Variants in M1AP observed in about 807,000 individuals in gnomAD.
M1AP encodes meiosis 1 associated protein, also known as meiosis 1 arrest protein.
In M1AP, 39 loss-of-function variants were observed where a neutral mutation model predicts 51.2. The ratio of observed to expected loss-of-function variants is 0.76; its 90% CI spans 0.59 to 1.00. M1AP has a LOEUF of 1.00. Ranked by LOEUF, M1AP falls within the 50% of genes least tolerant of loss-of-function variation. The pLI is 0.00. For synonymous variants in M1AP, 251 were observed against 249.2 expected, an observed-to-expected ratio of 1.01 and a Z score of -0.07; for missense variants, 545 against 641.2, an observed-to-expected ratio of 0.85 and a Z score of 1.62.
chr2:74,601,153 G>C (rs1392541166), intron 4 of M1AP, among the ~76,000 whole-genome samples: 3 of 152,056 alleles, frequency 2.0e-5, no homozygotes. Flanking sequence ...GGAATAAAGA[G>C]TTAAATTAAC....
At chr2:74,625,417 A>T (rs1682325194) in intron 2 of M1AP, among the ~76,000 whole-genome samples, 1 of 151,948 alleles carries the variant, frequency 6.6e-6, no homozygotes, top group African/African-American at 2.4e-5. Flanking sequence ...CTGTTTTTAT[A>T]TATTATTAAT....
At chr2:74,606,069 C>T (rs1375147617) in intron 4 of M1AP, among the ~76,000 whole-genome samples, 2 of 152,104 alleles carry the variant, frequency 1.3e-5, no homozygotes, top group African/African-American at 4.8e-5. Flanking sequence ...GGAACAGAGG[C>T]CAGCAGAGGT....
intron 1 of M1AP, among the ~76,000 whole-genome samples, chr2:74,645,597 T>C (rs757288253): frequency 2.0e-5 from 3 of 152,308 alleles, no homozygotes; most frequent in East Asian, 1.9e-4. Flanking sequence ...CATCCCTTTC[T>C]ATAGCAACGA....
intron 8 of M1AP, 34 bp from the exon 9 acceptor site, chr2:74,560,325 A>G: frequency 1.3e-6 from 2 of 1,546,368 alleles, no homozygotes; most frequent in Non-Finnish European, 1.7e-6. Context: ...TCACTAGGGA[A>G]CTTAAGATCA....
intron 2 of M1AP, among the ~76,000 whole-genome samples, chr2:74,617,036 T>C (rs796727007): frequency 1.3e-5 from 2 of 152,340 alleles, no homozygotes; most frequent in African/African-American, 4.8e-5. Context: ...ATAAAAGAAA[T>C]GTAACTTAAC....
intron 4 of M1AP, among the ~76,000 whole-genome samples, chr2:74,600,282 G>A (rs1362248896): frequency 1.3e-5 from 2 of 152,186 alleles, no homozygotes; most frequent in Non-Finnish European, 1.5e-5. Flanking sequence ...AGAACAGAAA[G>A]TATTTGAACA....
chr2:74,603,634 T>A (rs1246235362), intron 4 of M1AP, among the ~76,000 whole-genome samples: 1 of 152,136 alleles, frequency 6.6e-6, no homozygotes, highest in Non-Finnish European at 1.5e-5. Flanking sequence ...AAGACTGCTA[T>A]GAGTACAGGG....
intron 4 of M1AP, among the ~76,000 whole-genome samples, chr2:74,604,553 G>A (rs767144325): frequency 6.6e-5 from 10 of 152,196 alleles, no homozygotes; most frequent in Non-Finnish European, 1.5e-4. Context: ...TCTGACAGGA[G>A]GTGGAGCTCA....
chr2:74,601,348 T>C (rs906790898), intron 4 of M1AP, among the ~76,000 whole-genome samples: 3 of 152,058 alleles, frequency 2.0e-5, no homozygotes, highest in Admixed American at 2.0e-4. Flanking sequence ...GAGCAGTTGG[T>C]ATGGTATAGT....
chr2:74,636,200 T>C (rs1016287878), intron 2 of M1AP, among the ~76,000 whole-genome samples: 10 of 152,138 alleles, frequency 6.6e-5, no homozygotes, highest in East Asian at 3.8e-4. Context: ...CTTTTCATCA[T>C]TGTCTAATGT....
intron 5 of M1AP, among the ~76,000 whole-genome samples, chr2:74,580,484 G>A (rs1322080407): frequency 6.6e-6 from 1 of 152,178 alleles, no homozygotes; most frequent in African/African-American, 2.4e-5. Flanking sequence ...CTGGGCACTA[G>A]GTTGAAATGG....
At chr2:74,562,001 C>T in intron 8 of M1AP, 1 of 985,344 alleles carries the variant, frequency 1.0e-6, no homozygotes, top group Non-Finnish European at 1.2e-6. Context: ...ACCTCATTTC[C>T]CTCCATTCTA....
At chr2:74,625,586 C>A (rs1682335391) in intron 2 of M1AP, among the ~76,000 whole-genome samples, 1 of 152,150 alleles carries the variant, frequency 6.6e-6, no homozygotes, top group Non-Finnish European at 1.5e-5. Context: ...AAGCATTTCT[C>A]TTTTACAGTG....
At chr2:74,617,247 C>T (rs1405391044) in intron 2 of M1AP, among the ~76,000 whole-genome samples, 1 of 152,162 alleles carries the variant, frequency 6.6e-6, no homozygotes, top group Non-Finnish European at 1.5e-5. Flanking sequence ...TTCAAAATAG[C>T]TGGAATCTAA....
At position 74,614,984 on chromosome 2, in the gene M1AP, G is replaced by C. The variant is rs767337375; in HGVS notation, c.406C>G (p.Leu136Val). Residue 136 changes from leucine to valine, a missense_variant, in exon 3 of 11, where the codon CTG (leucine) becomes GTG (valine). Leu to Val is a conservative substitution (Grantham distance 32). Transcript: ENST00000421985. ...YSRHVTTRAA[L>V]TYTSLEITIL... is the part of the protein sequence containing the mutation. The stretch of plus-strand genomic sequence containing the variant: ...CTTACCTCCAGGGAGGTATAGGTCA[G>C]AGCTGCCCTTGTGGTCACATGTCTG... 1.2e-6 allele frequency: 2 copies of C among 1,614,150 alleles called. No homozygotes were observed. Among genetic ancestry groups the C allele is most frequent in the South Asian group, 2.2e-5 (2 of 91,084 alleles).
At chr2:74,639,890 G>T in intron 2 of M1AP, 146 bp downstream of exon 2, 1 of 701,848 alleles carries the variant, frequency 1.4e-6, no homozygotes, top group Non-Finnish European at 2.4e-6. Context: ...ATGCCCTCTG[G>T]CTCTCATGGT....
intron 5 of M1AP, among the ~76,000 whole-genome samples, chr2:74,580,292 C>A (rs780546658): frequency 1.3e-5 from 2 of 152,160 alleles, no homozygotes; most frequent in Non-Finnish European, 2.9e-5. Context: ...TATACACTAG[C>A]TTCTATATAA....
chr2:74,622,734 AAT>A (rs1682133324), intron 2 of M1AP, among the ~76,000 whole-genome samples: 1 of 151,852 alleles, frequency 6.6e-6, no homozygotes. Flanking sequence ...TAAATTGGTA[AAT>A]ATATGAGTAA....
chr2:74,633,688 G>A (rs780115496), intron 2 of M1AP, among the ~76,000 whole-genome samples: 1 of 152,056 alleles, frequency 6.6e-6, no homozygotes, highest in Non-Finnish European at 1.5e-5. Context: ...CTTTATTTAG[G>A]ACCATAACAA....
Sources: gnomAD v4.1 joint callset for allele counts (sites outside exome capture counted in the v4.1 genomes callset) on GRCh38, gnomAD v4.1.1 for gene constraint, MANE v1.5 for transcripts, NCBI Gene and HGNC (gene_info 2026-07-23, HGNC 2026-07-21) for gene names.